Variants in RBMS3 observed in about 807,000 individuals in gnomAD.
RBMS3 encodes the protein RNA-binding motif, single-stranded-interacting protein 3.
RBMS3 carries 27 observed loss-of-function variants against 66.8 expected under a neutral mutation model. The observed-to-expected ratio is 0.40, with a 90% confidence interval of 0.30 to 0.56. RBMS3 has a LOEUF of 0.56. Among genes scored for constraint, RBMS3 ranks in the 20% least tolerant of loss-of-function variants. The pLI is 0.40. For synonymous variants in RBMS3, 188 were observed against 183.0 expected (o/e 1.03, Z -0.22); for missense variants, 513 against 549.5 (o/e 0.93, Z 0.66).
Position 29,384,240 on chromosome 3 carries a change from C to T in RBMS3, c.76-50503C>T, listed in dbSNP as rs1012621006. 5.9e-5 allele frequency among the ~76,000 whole-genome samples: 9 copies of T among 152,010 alleles called. No individual in the cohort carries two copies. In the East Asian group the frequency reaches 1.4e-3, roughly 23 times the overall value. ...CTGAGGTGGGAAGATCTCTTGAACC[C>T]GGGAGGTTGAGGCTGCTGTGAGCCG... On this transcript the variant is annotated intron_variant, in intron 1 of 14. Coordinates refer to ENST00000383767, the MANE Select transcript of RBMS3 (RefSeq NM_001003793.3).
intron 1 of RBMS3, among the ~76,000 whole-genome samples, chr3:29,366,682 A>G (rs1203948037): frequency 1.3e-5 from 2 of 152,170 alleles, no homozygotes; most frequent in African/African-American, 2.4e-5. Flanking sequence ...GCGATATCCA[A>G]CTGTTTTAAG....
At chr3:29,524,614 TA>T (rs200731803) in intron 3 of RBMS3, among the ~76,000 whole-genome samples, 68,092 of 149,842 alleles carry the variant, frequency 0.45, 15,890 homozygotes, top group Middle Eastern at 0.57. Flanking sequence ...TTTATTTATT[TA>T]TTTTTTTTAG....
intron 10 of RBMS3, among the ~76,000 whole-genome samples, chr3:29,915,756 GCTAT>G (rs1386943818): frequency 1.2e-4 from 18 of 151,920 alleles, no homozygotes; most frequent in Admixed American, 3.9e-4. Flanking sequence ...TTTAATCTGT[GCTAT>G]CTAATTACTG....
At chr3:29,915,254 G>C (rs879259835) in intron 10 of RBMS3, among the ~76,000 whole-genome samples, 1 of 151,742 alleles carries the variant, frequency 6.6e-6, no homozygotes, top group Non-Finnish European at 1.5e-5. Context: ...GCTTTAAACC[G>C]TGTTTTTCTC....
At chr3:29,293,786 G>A (rs1280916284) in intron 1 of RBMS3, among the ~76,000 whole-genome samples, 6 of 150,154 alleles carry the variant, frequency 4.0e-5, no homozygotes, top group African/African-American at 1.5e-4. Flanking sequence ...CTATTCTCAA[G>A]TTTTCTGCTA....
chr3:29,300,386 G>C (rs772485202), intron 1 of RBMS3, among the ~76,000 whole-genome samples: 1 of 151,928 alleles, frequency 6.6e-6, no homozygotes, highest in Non-Finnish European at 1.5e-5. Flanking sequence ...TTTTAACAGA[G>C]AAGATTATAA....
chr3:29,656,199 G>T (rs949840741), intron 4 of RBMS3, among the ~76,000 whole-genome samples: 3 of 152,110 alleles, frequency 2.0e-5, no homozygotes, highest in African/African-American at 7.2e-5. Flanking sequence ...CTACAGCAGT[G>T]TACAACGATG....
intron 6 of RBMS3, among the ~76,000 whole-genome samples, chr3:29,849,762 T>G (rs6788405): frequency 0.15 from 22,713 of 152,138 alleles, 2,927 homozygotes; most frequent in African/African-American, 0.35. Flanking sequence ...ATTCTACAGT[T>G]CATTTCCATT....
chr3:29,390,300 GATTTGGA>G (rs1171901134), intron 1 of RBMS3, among the ~76,000 whole-genome samples: 5 of 152,114 alleles, frequency 3.3e-5, no homozygotes, highest in African/African-American at 1.2e-4. Flanking sequence ...AAAATAAATA[GATTTGGA>G]AAATGTGGTT....
chr3:29,857,183 A>G (rs1279414438), intron 6 of RBMS3, among the ~76,000 whole-genome samples: 1 of 152,170 alleles, frequency 6.6e-6, no homozygotes, highest in African/African-American at 2.4e-5. Context: ...GAATTCTTTC[A>G]GCCTCTAGCA....
intron 6 of RBMS3, among the ~76,000 whole-genome samples, chr3:29,791,228 T>C (rs1183424657): frequency 6.6e-6 from 1 of 152,256 alleles, no homozygotes; most frequent in African/African-American, 2.4e-5. Flanking sequence ...AATACTGCCT[T>C]GTAGAAATGC....
chr3:29,790,019 G>A (rs575112851), intron 6 of RBMS3, among the ~76,000 whole-genome samples: 73 of 152,188 alleles, frequency 4.8e-4, no homozygotes, highest in Admixed American at 1.4e-3. Context: ...AAAGACAAAA[G>A]GTGTTATATC....
chr3:29,329,691 A>C lies in RBMS3; in HGVS notation c.75+47935A>C, dbSNP rs986123552. On this transcript the variant is annotated intron_variant, in intron 1 of 14. Transcript: ENST00000383767. ...TTTTGATGTGCCATGCATTGAGTCA[A>C]GCTTAATGCATATTTAAGCACAGTT... is the stretch of plus-strand genomic sequence containing the variant. Among the ~76,000 whole-genome samples, 31 of 151,940 alleles carry C rather than the reference A, an allele frequency of 2.0e-4. No homozygotes were observed. In the East Asian group the frequency reaches 5.8e-3, roughly 28 times the overall value.
At chr3:29,373,780 C>A (rs1451248272) in intron 1 of RBMS3, among the ~76,000 whole-genome samples, 2 of 152,148 alleles carry the variant, frequency 1.3e-5, no homozygotes, top group Non-Finnish European at 2.9e-5. Context: ...AAATTCTAGG[C>A]TTTGCAGTTT....
intron 1 of RBMS3, among the ~76,000 whole-genome samples, chr3:29,399,418 G>C (rs2039705002): frequency 6.6e-6 from 1 of 152,108 alleles, no homozygotes; most frequent in Non-Finnish European, 1.5e-5. Context: ...TTGGCTATAA[G>C]CAAGAGCAAA....
chr3:29,348,336 A>G (rs1195664204), intron 1 of RBMS3, among the ~76,000 whole-genome samples: 2 of 152,186 alleles, frequency 1.3e-5, no homozygotes, highest in African/African-American at 4.8e-5. Flanking sequence ...TATCTCTAAA[A>G]CTTTTAATCT....
At chr3:29,866,401 G>A (rs1339739265) in intron 6 of RBMS3, among the ~76,000 whole-genome samples, 2 of 152,158 alleles carry the variant, frequency 1.3e-5, no homozygotes, top group African/African-American at 4.8e-5. Context: ...ACACAAAGCT[G>A]CCATCCCTCC....
chr3:29,670,922 T>C (rs976426264), intron 4 of RBMS3, among the ~76,000 whole-genome samples: 2 of 152,138 alleles, frequency 1.3e-5, no homozygotes, highest in Non-Finnish European at 2.9e-5. Flanking sequence ...AGCACGGAGT[T>C]TGAGATCTGA....
At chr3:29,416,987 G>A (rs1382143711) in intron 1 of RBMS3, among the ~76,000 whole-genome samples, 1 of 152,044 alleles carries the variant, frequency 6.6e-6, no homozygotes, top group African/African-American at 2.4e-5. Context: ...AAAAAAAAGT[G>A]CCTATCAGCT....
Sources: gnomAD v4.1 joint callset for allele counts (sites outside exome capture counted in the v4.1 genomes callset) on GRCh38, gnomAD v4.1.1 for gene constraint, MANE v1.5 for transcripts, NCBI Gene and HGNC (gene_info 2026-07-23, HGNC 2026-07-21) for gene names.